The following MACROD2 variants were observed in gnomAD, a reference collection of about 807,000 sequenced individuals.
MACROD2 encodes the protein ADP-ribose glycohydrolase MACROD2.
In MACROD2, 36 loss-of-function variants were observed where a neutral mutation model predicts 70.4. The observed-to-expected ratio is 0.51, with a 90% CI of 0.39 to 0.68. MACROD2 has a LOEUF of 0.68. MACROD2 is among the 30% of genes least tolerant of loss of function. The pLI is 0.00. For synonymous variants in MACROD2, 172 were observed against 178.8 expected (o/e 0.96, Z 0.30); for missense variants, 496 against 538.4 (o/e 0.92, Z 0.78).
intron 3 of MACROD2, among the ~76,000 whole-genome samples, chr20:14,155,438 C>T (rs541319966): frequency 3.9e-5 from 6 of 152,202 alleles, no homozygotes; most frequent in Non-Finnish European, 7.4e-5. Context: ...TGCTATTTCA[C>T]GTATAGATTG....
chr20:14,340,938 G>T (rs941091451), intron 3 of MACROD2, among the ~76,000 whole-genome samples: 1 of 152,124 alleles, frequency 6.6e-6, no homozygotes, highest in Non-Finnish European at 1.5e-5. Context: ...GGTTTCCCAG[G>T]TTCTGCCATT....
chr20:14,430,244 A>T (rs962136691), intron 3 of MACROD2, among the ~76,000 whole-genome samples: 3 of 152,174 alleles, frequency 2.0e-5, no homozygotes, highest in Non-Finnish European at 2.9e-5. Context: ...CAGGCATTGC[A>T]GACTTTCCAA....
At chr20:14,694,250 G>A (rs770589518) in intron 5 of MACROD2, among the ~76,000 whole-genome samples, 2 of 152,192 alleles carry the variant, frequency 1.3e-5, no homozygotes, top group Middle Eastern at 3.4e-3. Flanking sequence ...TCTAATTTTT[G>A]GAGATAACAA....
chr20:14,276,295 C>T (rs1166149491), intron 3 of MACROD2, among the ~76,000 whole-genome samples: 3 of 149,948 alleles, frequency 2.0e-5, no homozygotes, highest in Non-Finnish European at 4.4e-5. Flanking sequence ...TACTATGCAG[C>T]CATAAAAAAT....
intron 3 of MACROD2, among the ~76,000 whole-genome samples, chr20:14,487,558 A>G (rs1600293727): frequency 6.6e-6 from 1 of 152,178 alleles, no homozygotes; most frequent in East Asian, 1.9e-4. Flanking sequence ...CACCTGTCCC[A>G]GAAATATGGC....
chr20:14,222,822 A>T (rs1005664511), intron 3 of MACROD2, among the ~76,000 whole-genome samples: 1 of 63,626 alleles, frequency 1.6e-5, no homozygotes, highest in African/African-American at 4.0e-5. Context: ...TGAAAAAAAA[A>T]AAAAAAAAAA....
intron 5 of MACROD2, among the ~76,000 whole-genome samples, chr20:14,737,930 A>T (rs116966229): frequency 8.5e-5 from 13 of 152,330 alleles, no homozygotes; most frequent in South Asian, 6.2e-4. Context: ...CCTATGCCAG[A>T]TGTTAACAAA....
Position 14,711,359 on chromosome 20 carries a change from A to G in MACROD2, c.418+26400A>G, listed in dbSNP as rs180983234. Reference sequence around the variant, plus strand: ...TGTAGTTTTTCAGGAATCATTCTCAATGTTGTTGAAGAAGTTAGAAAAGCC... The same window carrying G: ...TGTAGTTTTTCAGGAATCATTCTCAGTGTTGTTGAAGAAGTTAGAAAAGCC... On this transcript the variant is annotated intron_variant, in intron 5 of 17. Transcript: ENST00000684519. Among the ~76,000 whole-genome samples, 168 of 152,298 alleles carry G rather than the reference A, an allele frequency of 1.1e-3. 1 individual carries two copies. Among genetic ancestry groups the G allele is most frequent in the African/African-American group, 3.9e-3 (163 of 41,574 alleles).
rs866392720 is a variant in MACROD2 at position 14,600,341 on chromosome 20, T to C, written c.302-84502T>C. ...ATATGCAGCTACATATATATATATA[T>C]ATACACACACACACACACACACACA... On this transcript the variant is annotated intron_variant, in intron 4 of 17. Transcript: ENST00000684519. 4.3e-4 allele frequency among the ~76,000 whole-genome samples: 61 copies of C among 142,170 alleles called. 1 individual carries two copies. The highest frequency in any genetic ancestry group is 1.8e-3 in the African/African-American group (60 of 33,936). The allele number at this position is 142,170 out of a possible 152,430, so 93.3% of individuals were successfully genotyped here.
intron 8 of MACROD2, among the ~76,000 whole-genome samples, chr20:15,603,049 T>A (rs2048844378): frequency 6.6e-6 from 1 of 152,156 alleles, no homozygotes; most frequent in Admixed American, 6.5e-5. Flanking sequence ...TTATTTATAT[T>A]GTGTCTTTCA....
At chr20:14,315,787 C>G (rs1021029919) in intron 3 of MACROD2, among the ~76,000 whole-genome samples, 1 of 152,034 alleles carries the variant, frequency 6.6e-6, no homozygotes, top group African/African-American at 2.4e-5. Context: ...GGATTTAAAA[C>G]AATTAAATGT....
intron 5 of MACROD2, among the ~76,000 whole-genome samples, chr20:14,718,582 G>A (rs2071425238): frequency 6.6e-6 from 1 of 152,034 alleles, no homozygotes; most frequent in Admixed American, 6.6e-5. Context: ...GAGATCCTGT[G>A]GTTCATGGAG....
intron 6 of MACROD2, among the ~76,000 whole-genome samples, chr20:15,339,134 G>T (rs960942483): frequency 2.0e-5 from 3 of 151,800 alleles, no homozygotes; most frequent in Non-Finnish European, 4.4e-5. Flanking sequence ...TTTTAAATGT[G>T]TGTGTCTGTA....
intron 2 of MACROD2, among the ~76,000 whole-genome samples, chr20:14,019,246 A>G (rs546243738): frequency 6.6e-6 from 1 of 152,244 alleles, no homozygotes; most frequent in East Asian, 1.9e-4. Flanking sequence ...CTATTACTCA[A>G]ATTAGCCTCT....
chr20:15,768,286 G>A (rs2051562519), intron 8 of MACROD2, among the ~76,000 whole-genome samples: 1 of 152,012 alleles, frequency 6.6e-6, no homozygotes, highest in Admixed American at 6.6e-5. Context: ...ACACCCCTAG[G>A]CCATACAGTA....
intron 8 of MACROD2, among the ~76,000 whole-genome samples, chr20:15,725,102 CA>C (rs914629708): frequency 3.3e-5 from 5 of 151,436 alleles, no homozygotes; most frequent in East Asian, 1.9e-4. Flanking sequence ...CAAACAACAA[CA>C]AAAAAAAATC....
chr20:15,133,399 G>A (rs1049192535), intron 5 of MACROD2, among the ~76,000 whole-genome samples: 3 of 151,758 alleles, frequency 2.0e-5, no homozygotes, highest in African/African-American at 7.3e-5. Context: ...AAAATCACTG[G>A]GTATTTAAAC....
intron 4 of MACROD2, among the ~76,000 whole-genome samples, chr20:14,597,479 A>G (rs1383633971): frequency 6.6e-6 from 1 of 152,178 alleles, no homozygotes; most frequent in African/African-American, 2.4e-5. Context: ...TGTGCAAAAT[A>G]TCAAGAAACT....
At chr20:14,423,868 T>C (rs1470334364) in intron 3 of MACROD2, among the ~76,000 whole-genome samples, 1 of 148,748 alleles carries the variant, frequency 6.7e-6, no homozygotes, top group African/African-American at 2.5e-5. Flanking sequence ...GTTCAAGAGA[T>C]TCTCCTGGCC....
Sources: allele counts gnomAD v4.1 joint callset (sites outside exome capture counted in the v4.1 genomes callset), GRCh38; gene constraint gnomAD v4.1.1; transcripts MANE v1.5; gene names NCBI Gene and HGNC (gene_info 2026-07-23, HGNC 2026-07-21).